The following WDPCP variants were observed in gnomAD, a reference collection of about 807,000 sequenced individuals.
The protein encoded by WDPCP is WD repeat containing planar cell polarity effector.
Under a neutral mutation model 93.1 loss-of-function variants are expected in WDPCP, and 71 were observed. The ratio of observed to expected loss-of-function variants is 0.76; its 90% confidence interval spans 0.63 to 0.93. WDPCP has a LOEUF of 0.93. Ranked by LOEUF, WDPCP falls within the 40% of genes least tolerant of loss-of-function variation. The pLI, the probability that WDPCP is intolerant of heterozygous loss-of-function variation, is 0.00. For synonymous variants in WDPCP, 315 were observed against 315.0 expected, an observed-to-expected ratio of 1.00 and a Z score of 0.00; for missense variants, 844 against 887.4, an observed-to-expected ratio of 0.95 and a Z score of 0.62.
chr2:63,435,811 C>T (rs1028409145), intron 8 of WDPCP, among the ~76,000 whole-genome samples: 8 of 151,870 alleles, frequency 5.3e-5, no homozygotes, highest in African/African-American at 9.7e-5. Flanking sequence ...ATGAGTTTTC[C>T]GAAGGGAAAC....
rs1697365136 is a variant in WDPCP at position 63,439,618 on chromosome 2, G to A, written c.499+139C>T. ...GTCGAAACTTGTATTGGTCCCAGGG[G>A]GTGTAAGTACGCTATTACAAGCAAT... On this transcript the variant is annotated intron_variant, in intron 7 of 17. Coordinates refer to ENST00000272321, the MANE Select transcript of WDPCP (RefSeq NM_015910.7). The A allele has an allele frequency of 2.7e-5, 18 of 664,576 alleles. No individual in the cohort carries two copies. The South Asian group carries it at 4.1e-4, about 15-fold the overall frequency. The allele number at this position is 664,576 out of a possible 1,614,324, so 41.2% of individuals were successfully genotyped here. A position where few individuals can be genotyped will look rare whatever the true frequency, so the allele number is the denominator to read the frequency against.
chr2:63,263,622 G>A (rs192656171), intron 13 of WDPCP, among the ~76,000 whole-genome samples: 10 of 152,330 alleles, frequency 6.6e-5, no homozygotes, highest in African/African-American at 2.4e-4. Flanking sequence ...TGTTGTAGCA[G>A]CAGAAAACGG....
chr2:63,466,361 T>C (rs1393052738), intron 6 of WDPCP, among the ~76,000 whole-genome samples: 2 of 152,166 alleles, frequency 1.3e-5, no homozygotes, highest in African/African-American at 2.4e-5. Context: ...TTGGCAAAAG[T>C]ACCTTATGTG....
At chr2:63,808,900 C>T (rs1575778980) in intron 2 of WDPCP, among the ~76,000 whole-genome samples, 2 of 151,468 alleles carry the variant, frequency 1.3e-5, no homozygotes, top group Admixed American at 6.6e-5. Flanking sequence ...AAATGAGGAG[C>T]GCCTCTTCCC....
intron 9 of WDPCP, among the ~76,000 whole-genome samples, chr2:63,421,222 G>C (rs921494071): frequency 6.6e-5 from 10 of 151,904 alleles, no homozygotes; most frequent in Non-Finnish European, 1.5e-4. Context: ...TGTCTTACCA[G>C]AATAAAAAGA....
chr2:63,545,414 G>A (rs1705077870), intron 1 of WDPCP, among the ~76,000 whole-genome samples: 1 of 151,746 alleles, frequency 6.6e-6, no homozygotes, highest in African/African-American at 2.4e-5. Flanking sequence ...TGAAAATGGA[G>A]GGCTTCAATC....
intron 13 of WDPCP, among the ~76,000 whole-genome samples, chr2:63,290,908 T>C (rs928400325): frequency 1.3e-5 from 2 of 152,172 alleles, no homozygotes; most frequent in South Asian, 2.1e-4. Flanking sequence ...TGCCAAGATA[T>C]GGTGTGCCTA....
intron 9 of WDPCP, among the ~76,000 whole-genome samples, chr2:63,432,470 T>C (rs1340020471): frequency 6.6e-6 from 1 of 152,140 alleles, no homozygotes; most frequent in East Asian, 1.9e-4. Flanking sequence ...TCCCCTGGTA[T>C]GAAATACAGT....
intron 13 of WDPCP, among the ~76,000 whole-genome samples, chr2:63,271,035 G>A (rs990885380): frequency 1.2e-4 from 19 of 152,222 alleles, no homozygotes; most frequent in African/African-American, 4.6e-4. Flanking sequence ...GAGGGCTGTA[G>A]CATTGAGGCA....
intron 1 of WDPCP, among the ~76,000 whole-genome samples, chr2:63,551,650 A>C (rs1705655762): frequency 6.6e-6 from 1 of 152,186 alleles, no homozygotes; most frequent in South Asian, 2.1e-4. Flanking sequence ...ACATAAATGG[A>C]CTAATACAGA....
intron 2 of WDPCP, among the ~76,000 whole-genome samples, chr2:63,722,721 C>A (rs1575758219): frequency 6.6e-6 from 1 of 151,086 alleles, no homozygotes; most frequent in Non-Finnish European, 1.5e-5. Context: ...CGCCTCTGCC[C>A]GGCCGCCCCT....
chr2:63,386,262 A>C (rs1692722294), intron 10 of WDPCP, among the ~76,000 whole-genome samples: 1 of 152,152 alleles, frequency 6.6e-6, no homozygotes, highest in Non-Finnish European at 1.5e-5. Context: ...TAAAATAATG[A>C]AAGGGTAAAC....
chr2:63,298,136 A>G (rs1393005524), intron 13 of WDPCP, among the ~76,000 whole-genome samples: 2 of 152,152 alleles, frequency 1.3e-5, no homozygotes, highest in African/African-American at 4.8e-5. Flanking sequence ...CACCAGGTGC[A>G]TATACCAGTC....
chr2:63,498,580 C>T (rs1701363724), intron 1 of WDPCP, among the ~76,000 whole-genome samples: 1 of 152,156 alleles, frequency 6.6e-6, no homozygotes, highest in Admixed American at 6.5e-5. Flanking sequence ...AGTTTCACTA[C>T]TATACTGTTG....
chr2:63,218,786 G>A (rs1041342291), intron 14 of WDPCP, among the ~76,000 whole-genome samples: 1 of 151,964 alleles, frequency 6.6e-6, no homozygotes, highest in Non-Finnish European at 1.5e-5. Context: ...TGCCCACCTC[G>A]GCCTCCCAAA....
At chr2:63,309,313 C>G (rs542126949) in intron 13 of WDPCP, among the ~76,000 whole-genome samples, 1 of 152,056 alleles carries the variant, frequency 6.6e-6, no homozygotes, top group African/African-American at 2.4e-5. Context: ...AGAAAAATAA[C>G]AATAATTAAC....
Position 63,381,974 on chromosome 2 carries a change from T to C in WDPCP, c.1556A>G (p.Gln519Arg). The change falls in exon 11 of 18, where the codon CAG becomes CGG. Residue 519 changes from glutamine to arginine, a missense_variant. Coordinates refer to ENST00000272321, the MANE Select transcript of WDPCP (RefSeq NM_015910.7). ...SSMNWDTLGH[Q>R]CFISMSAIVN... The stretch of plus-strand genomic sequence containing the variant: ...AATGGCGCTCATGCTGATAAAGCAC[T>C]GGTGGCCCAGAGTGTCCCAGTTCAT... 2 of 1,613,566 alleles carry C rather than the reference T, an allele frequency of 1.2e-6. No homozygotes were observed. Among genetic ancestry groups the C allele is most frequent in the Non-Finnish European group, 1.7e-6 (2 of 1,179,732 alleles).
At chr2:63,177,269 A>G (rs988807751) in intron 14 of WDPCP, among the ~76,000 whole-genome samples, 3 of 152,182 alleles carry the variant, frequency 2.0e-5, no homozygotes, top group Admixed American at 6.6e-5. Flanking sequence ...GGATTTTTCT[A>G]TATTTCCAAA....
chr2:63,715,693 T>C (rs1022423615), intron 2 of WDPCP, among the ~76,000 whole-genome samples: 6 of 152,240 alleles, frequency 3.9e-5, no homozygotes, highest in East Asian at 1.9e-4. Flanking sequence ...TAGTGATCTG[T>C]AGAAGAAAAA....
Sources: gnomAD v4.1 joint callset for allele counts (sites outside exome capture counted in the v4.1 genomes callset) on GRCh38, gnomAD v4.1.1 for gene constraint, MANE v1.5 for transcripts, NCBI Gene and HGNC (gene_info 2026-07-23, HGNC 2026-07-21) for gene names.